Variants in DNAH8 observed in about 807,000 individuals in gnomAD.
The protein encoded by DNAH8 is dynein axonemal heavy chain 8.
A neutral mutation model predicts 562.1 loss-of-function variants in DNAH8; 382 were observed. The ratio of observed to expected loss-of-function variants is 0.68; its 90% CI spans 0.63 to 0.74. The LOEUF (loss-of-function observed/expected upper bound fraction) is 0.74. Among genes scored for constraint, DNAH8 ranks in the 30% least tolerant of loss-of-function variants. DNAH8 has a pLI of 0.00. For missense variants in DNAH8, 5,203 were observed against 5,620.4 expected, an observed-to-expected ratio of 0.93 and a Z score of 2.37; for synonymous variants, 1,881 against 1,919.4, an observed-to-expected ratio of 0.98 and a Z score of 0.52.
chr6:39,001,284 A>G (rs934389486), intron 88 of DNAH8, among the ~76,000 whole-genome samples: 1 of 151,982 alleles, frequency 6.6e-6, no homozygotes, highest in Non-Finnish European at 1.5e-5. Context: ...TTTTGCATAC[A>G]GAGATTTAAG....
intron 22 of DNAH8, among the ~76,000 whole-genome samples, chr6:38,803,945 A>T (rs1771021351): frequency 6.6e-6 from 1 of 152,156 alleles, no homozygotes; most frequent in Admixed American, 6.5e-5. Flanking sequence ...TGATTAAAGG[A>T]TGCCCTAAAA....
chr6:38,737,672 C>A, intron 6 of DNAH8, 137 bp from the exon 7 acceptor site: 1 of 302,502 alleles, frequency 3.3e-6, no homozygotes, highest in Non-Finnish European at 5.5e-6. Flanking sequence ...GTAATTAGAG[C>A]TTAAAAGTAC....
At chr6:38,810,998 TGAG>T (rs1771746384) in intron 24 of DNAH8, among the ~76,000 whole-genome samples, 1 of 152,210 alleles carries the variant, frequency 6.6e-6, no homozygotes, top group Non-Finnish European at 1.5e-5. Context: ...TTGCTGCTGA[TGAG>T]AAGTCTGCAA....
intron 82 of DNAH8, among the ~76,000 whole-genome samples, chr6:38,953,789 A>G (rs976431010): frequency 6.6e-6 from 1 of 152,154 alleles, no homozygotes; most frequent in Non-Finnish European, 1.5e-5. Context: ...TGGATAATAA[A>G]TAATCATAGA....
chr6:38,958,103 G>T (rs1053915464), intron 82 of DNAH8, among the ~76,000 whole-genome samples: 2 of 151,506 alleles, frequency 1.3e-5, no homozygotes, highest in Non-Finnish European at 2.9e-5. Flanking sequence ...CTGGGTTCAC[G>T]CCATTCTCCT....
chr6:38,785,459 A>T lies in DNAH8; in HGVS notation c.2396-1306A>T, dbSNP rs534684186. On this transcript the variant is annotated intron_variant, in intron 17 of 92. Coordinates refer to ENST00000327475, the MANE Select transcript of DNAH8 (RefSeq NM_001206927.2). The stretch of plus-strand genomic sequence containing the variant: ...AGCTCAGTACAGTTTTAAGGAAGAC[A>T]GATTTAAATGTTCAAAAGTTCTTTT... Among the ~76,000 whole-genome samples the T allele has an allele frequency of 4.1e-4, 62 of 152,334 alleles. 1 individual carries two copies. Among genetic ancestry groups the T allele is most frequent in the Admixed American group, 3.9e-3 (59 of 15,298 alleles).
intron 79 of DNAH8, among the ~76,000 whole-genome samples, chr6:38,941,141 G>A (rs768061344): frequency 6.6e-6 from 1 of 151,474 alleles, no homozygotes; most frequent in Non-Finnish European, 1.5e-5. Flanking sequence ...AAGGAATCTA[G>A]ACAGTCCAAG....
chr6:38,782,138 T>A (rs923598397), intron 16 of DNAH8, among the ~76,000 whole-genome samples: 1 of 152,036 alleles, frequency 6.6e-6, no homozygotes, highest in African/African-American at 2.4e-5. Flanking sequence ...AAAAAAAAAT[T>A]AAAACCCTGA....
intron 82 of DNAH8, among the ~76,000 whole-genome samples, chr6:38,962,018 A>T (rs924444588): frequency 6.6e-6 from 1 of 152,018 alleles, no homozygotes; most frequent in African/African-American, 2.4e-5. Context: ...ATAAAAAATG[A>T]TGCTTTCTTG....
intron 57 of DNAH8, 70 bp downstream of exon 57, chr6:38,887,074 A>C (rs897124242): frequency 8.9e-7 from 1 of 1,125,758 alleles, no homozygotes. Context: ...ATTTCATTTA[A>C]GAGACAAAAA....
Position 38,859,168 on chromosome 6 carries a change from ATTC to A in DNAH8, c.5959-1283_5959-1281del, listed in dbSNP as rs1316043273. 2.6e-5 allele frequency among the ~76,000 whole-genome samples: 4 copies of A among 152,198 alleles called. No individual in the cohort carries two copies. The South Asian group carries it at 6.2e-4, about 24-fold the overall frequency. ...CAAGAACTCAATAAATATATTAACT[ATTC>A]TTCTTTTCTTCTCCACCTCCTCCTT... On this transcript the variant is annotated intron_variant, in intron 42 of 92. Coordinates refer to ENST00000327475, the MANE Select transcript of DNAH8 (RefSeq NM_001206927.2).
At chr6:38,873,769 C>CA (rs1561796467) in intron 52 of DNAH8, among the ~76,000 whole-genome samples, 10 of 51,060 alleles carry the variant, frequency 2.0e-4, no homozygotes, top group Non-Finnish European at 3.9e-4. Context: ...CACACACACA[C>CA]CCCTGCACTC....
At chr6:38,759,310 A>AAAAC (rs77729842) in intron 10 of DNAH8, among the ~76,000 whole-genome samples, 27,683 of 151,056 alleles carry the variant, frequency 0.18, 2,770 homozygotes, top group African/African-American at 0.26. Context: ...CCTGTCTCAA[A>AAAAC]AAACAAACAA....
intron 5 of DNAH8, among the ~76,000 whole-genome samples, chr6:38,736,656 G>A (rs1764113463): frequency 1.3e-5 from 2 of 151,720 alleles, no homozygotes. Flanking sequence ...CTGGGCTTTT[G>A]GTTTCTTACG....
At chr6:38,724,124 C>T (rs1000436723) in intron 3 of DNAH8, among the ~76,000 whole-genome samples, 19 of 151,900 alleles carry the variant, frequency 1.3e-4, no homozygotes, top group African/African-American at 4.4e-4. Context: ...ATTTCAGGCA[C>T]GCACCACCAC....
At chr6:38,966,111 C>G (rs1238986348) in intron 82 of DNAH8, among the ~76,000 whole-genome samples, 2 of 151,916 alleles carry the variant, frequency 1.3e-5, no homozygotes, top group Admixed American at 6.6e-5. Context: ...TTTAGCTAAA[C>G]TAACCAAGAA....
chr6:38,905,181 T>C (rs1465682720), intron 62 of DNAH8, among the ~76,000 whole-genome samples: 4 of 152,218 alleles, frequency 2.6e-5, no homozygotes, highest in Non-Finnish European at 5.9e-5. Flanking sequence ...TGAGACCCCA[T>C]GGCCTACTGC....
intron 11 of DNAH8, chr6:38,764,286 A>G (rs1734267436): frequency 1.3e-5 from 2 of 154,254 alleles, no homozygotes; most frequent in African/African-American, 4.8e-5. Flanking sequence ...AATGGCAGTA[A>G]AAATTGGTCA....
At chr6:39,013,079 G>T (rs1477370171) in intron 91 of DNAH8, among the ~76,000 whole-genome samples, 1 of 152,166 alleles carries the variant, frequency 6.6e-6, no homozygotes, top group Non-Finnish European at 1.5e-5. Context: ...CTTCAGGGGG[G>T]TCTTCCCCCA....
Sources: allele counts gnomAD v4.1 joint callset (sites outside exome capture counted in the v4.1 genomes callset), GRCh38; gene constraint gnomAD v4.1.1; transcripts MANE v1.5; gene names NCBI Gene and HGNC (gene_info 2026-07-23, HGNC 2026-07-21).